The following KIAA1614 variants were observed in gnomAD, a reference collection of about 807,000 sequenced individuals.
The protein encoded by KIAA1614 is uncharacterized protein KIAA1614.
A neutral mutation model predicts 88.7 loss-of-function variants in KIAA1614; 76 were observed. The observed-to-expected ratio is 0.86, with a 90% CI of 0.71 to 1.04. The LOEUF (loss-of-function observed/expected upper bound fraction) is 1.04. Ranked by LOEUF, KIAA1614 falls within the 50% of genes least tolerant of loss-of-function variation. The pLI is 0.00. For synonymous variants in KIAA1614, 714 were observed against 675.5 expected (o/e 1.06, Z -0.88); for missense variants, 1,553 against 1,582.5 (o/e 0.98, Z 0.32).
intron 3 of KIAA1614, among the ~76,000 whole-genome samples, chr1:180,918,654 C>T (rs982557354): frequency 1.3e-5 from 2 of 152,158 alleles, no homozygotes; most frequent in African/African-American, 4.8e-5. Context: ...GCTCTCGTTT[C>T]CCCAGCTGTC....
In KIAA1614 at chr1:180,944,365, G is replaced by A. The variant is rs370246989; in HGVS notation, c.3160-24G>A. On this transcript the variant is annotated intron_variant, in intron 7 of 8. Coordinates refer to ENST00000367588, the MANE Select transcript of KIAA1614 (RefSeq NM_020950.2). ...ACCTCCCAGGTAGCTTTTCTCACCC[G>A]CAATATTGTCCCTTTCTCATCAGGT... 93 of 1,607,990 alleles carry A rather than the reference G, an allele frequency of 5.8e-5. No individual in the cohort carries two copies. The East Asian group carries it at 6.3e-4, about 11-fold the overall frequency.
intron 7 of KIAA1614, among the ~76,000 whole-genome samples, chr1:180,942,570 G>C (rs1249254179): frequency 6.6e-6 from 1 of 152,252 alleles, no homozygotes; most frequent in Non-Finnish European, 1.5e-5. Context: ...TTTGCTGGTT[G>C]AGTGAATGGA....
chr1:180,915,123 G>C (rs1237763310), intron 1 of KIAA1614, among the ~76,000 whole-genome samples: 1 of 152,218 alleles, frequency 6.6e-6, no homozygotes, highest in African/African-American at 2.4e-5. Context: ...ATTGTGTTAG[G>C]GACAGGATTA....
intron 4 of KIAA1614, among the ~76,000 whole-genome samples, chr1:180,930,554 C>T (rs935979449): frequency 1.1e-4 from 17 of 152,188 alleles, no homozygotes; most frequent in African/African-American, 4.1e-4. Context: ...TAGGTTAGGT[C>T]GGATAGCCTC....
At chr1:180,913,317 GGGCC>G in intron 1 of KIAA1614, 24 bp downstream of exon 1, 1 of 1,238,330 alleles carries the variant, frequency 8.1e-7, no homozygotes, top group Non-Finnish European at 1.0e-6. Context: ...AGGCAGCGCC[GGGCC>G]GGCCGGGCGG....
At chr1:180,928,677 T>C (rs1198354427) in intron 4 of KIAA1614, 104 bp downstream of exon 4, 9 of 1,120,326 alleles carry the variant, frequency 8.0e-6, no homozygotes, top group African/African-American at 3.3e-5. Flanking sequence ...GCTCGCTCCA[T>C]GTGTGTGTGT....
intron 4 of KIAA1614, among the ~76,000 whole-genome samples, chr1:180,929,579 A>C (rs1340324462): frequency 6.6e-6 from 1 of 152,240 alleles, no homozygotes; most frequent in Non-Finnish European, 1.5e-5. Context: ...GGACATTCAG[A>C]CCAGCACATC....
chr1:180,932,894 C>T (rs972694697), intron 4 of KIAA1614, among the ~76,000 whole-genome samples: 1 of 152,138 alleles, frequency 6.6e-6, no homozygotes, highest in African/African-American at 2.4e-5. Flanking sequence ...CACGCATCAC[C>T]ACTCCCGGCT....
At position 180,926,921 on chromosome 1, in the gene KIAA1614, T is replaced by A. The variant is rs182081639; in HGVS notation, c.1062-1509T>A. Among the ~76,000 whole-genome samples the A allele has an allele frequency of 2.7e-3, 406 of 152,326 alleles. 2 individuals carry two copies. The highest frequency in any genetic ancestry group is 4.6e-3 in the Non-Finnish European group (310 of 68,018). On this transcript the variant is annotated intron_variant, in intron 3 of 8. Transcript: ENST00000367588. ...CATCACTCCAGTAAAGCCCTCCTTG[T>A]TCCAAAGCCATGCCTGGGCCCTGCC...
In KIAA1614 at chr1:180,916,488, C is replaced by T. The variant is rs372513103; in HGVS notation, c.385C>T (p.Pro129Ser). Residue 129 changes from proline (P) to serine (S), a missense_variant, in exon 2 of 9, where the codon CCA becomes TCA. By Grantham distance (74) the Pro-to-Ser change is moderately conservative. Coordinates refer to ENST00000367588, the MANE Select transcript of KIAA1614 (RefSeq NM_020950.2). ...RRGKAGRAGT[P>S]SEGSFLPGAV... ...AGGCAAGGCAGGGAGAGCCGGGACT[C>T]CATCAGAGGGGTCTTTCCTGCCAGG... is the stretch of plus-strand genomic sequence containing the variant. The T allele has an allele frequency of 3.7e-6, 6 of 1,614,130 alleles. No homozygotes were observed. The highest frequency in any genetic ancestry group is 5.1e-6 in the Non-Finnish European group (6 of 1,180,028).
In KIAA1614 at chr1:180,918,734, G is replaced by A. The variant is rs1293882420; in HGVS notation, c.1061+820G>A. Among the ~76,000 whole-genome samples the A allele has an allele frequency of 5.9e-5, 9 of 152,302 alleles. No homozygotes were observed. In the East Asian group the frequency reaches 1.5e-3, roughly 26 times the overall value. Reference sequence around the variant, plus strand: ...CAGAGGTCGACACGGTTGCTGCTCCGGTGTAAGGCGGCTCCTGCACAAATC... The same window carrying A: ...CAGAGGTCGACACGGTTGCTGCTCCAGTGTAAGGCGGCTCCTGCACAAATC... On this transcript the variant is annotated intron_variant, in intron 3 of 8. Transcript: ENST00000367588.
chr1:180,937,784 C>T (rs1200457550), intron 5 of KIAA1614, among the ~76,000 whole-genome samples: 4 of 152,200 alleles, frequency 2.6e-5, no homozygotes, highest in African/African-American at 9.7e-5. Context: ...CAACCGCCTC[C>T]CCCTGGGGTC....
intron 2 of KIAA1614, among the ~76,000 whole-genome samples, chr1:180,917,324 C>T (rs187809385): frequency 2.0e-5 from 3 of 152,336 alleles, no homozygotes; most frequent in Admixed American, 2.0e-4. Flanking sequence ...CATGACCCTG[C>T]AGACCAATAG....
In KIAA1614 at chr1:180,913,108, C is replaced by T; in HGVS notation, c.-136C>T. 1.8e-6 allele frequency: 1 copy of T among 553,778 alleles called. No homozygotes were observed. Among genetic ancestry groups the T allele is most frequent in the Non-Finnish European group, 2.7e-6 (1 of 373,782 alleles). The allele number at this position is 553,778 out of a possible 1,614,324, so 34.3% of individuals were successfully genotyped here. A position where few individuals can be genotyped will look rare whatever the true frequency, so the allele number is the denominator to read the frequency against. On this transcript the variant is annotated 5_prime_UTR_variant, in exon 1 of 9. Coordinates refer to ENST00000367588, the MANE Select transcript of KIAA1614 (RefSeq NM_020950.2). The stretch of plus-strand genomic sequence containing the variant: ...CTCGGCGCCGTCCCGGACCCCCAGT[C>T]GGCCGCGCCCCGAGGGGCGAGGCCT...
chr1:180,916,122 G>T, intron 1 of KIAA1614, 32 bp from the exon 2 acceptor site: 5 of 1,511,806 alleles, frequency 3.3e-6, no homozygotes, highest in Non-Finnish European at 4.4e-6. Flanking sequence ...CCTGTGCTGG[G>T]TCTTAGGAAC....
Position 180,950,960 on chromosome 1 carries a change from C to T in KIAA1614, c.*5372C>T, listed in dbSNP as rs1654716076. 6.6e-6 allele frequency: 1 copy of T among 152,282 alleles called. No homozygotes were observed. The highest frequency in any genetic ancestry group is 2.4e-5 in the African/African-American group (1 of 41,424). 9.4% of individuals were successfully genotyped at this position (152,282 alleles called of 1,614,324 possible). A position where few individuals can be genotyped will look rare whatever the true frequency, so the allele number is the denominator to read the frequency against. On this transcript the variant is annotated 3_prime_UTR_variant, in exon 9 of 9. Transcript: ENST00000367588. ...AGCACATGTCCATATTGGCCTTGAC[C>T]CTTCCCTATTTCAGCCACGTTCCTC...
Position 180,928,515 on chromosome 1 carries a change from A to G in KIAA1614, c.1147A>G (p.Arg383Gly). ...GCTGCAGCGTGCCCGCATGAAGGCC[A>G]GGACCCGGCCCCTCCGTGCCAGCCA... ...HLLQRARMKA[R>G]TRPLRASHDI... is the part of the protein sequence containing the mutation. Residue 383 changes from arginine (R) to glycine (G), a missense_variant, in exon 4 of 9, where the codon AGG becomes GGG. Arg to Gly is a moderately radical substitution (Grantham distance 125). Transcript: ENST00000367588. 6.2e-7 allele frequency: 1 copy of G among 1,613,050 alleles called. No individual in the cohort carries two copies. Among genetic ancestry groups the G allele is most frequent in the Non-Finnish European group, 8.5e-7 (1 of 1,179,946 alleles).
rs1654533422 is a variant in KIAA1614, at chr1:180,944,314, AT to A, written c.3160-74del. 7 of 1,518,086 alleles carry A rather than the reference AT, an allele frequency of 4.6e-6. No homozygotes were observed. The East Asian group carries it at 1.6e-4, about 35-fold the overall frequency. 94.0% of individuals were successfully genotyped at this position (1,518,086 alleles called of 1,614,324 possible). The stretch of plus-strand genomic sequence containing the variant: ...ACTTTCTTACAGGGCCCTCAGGTTC[AT>A]GGTGGGGCCAAGTCCTCTGTCAGCA... On this transcript the variant is annotated intron_variant, in intron 7 of 8. Transcript: ENST00000367588.
chr1:180,930,763 A>T (rs1654179926), intron 4 of KIAA1614, among the ~76,000 whole-genome samples: 1 of 152,254 alleles, frequency 6.6e-6, no homozygotes, highest in Non-Finnish European at 1.5e-5. Flanking sequence ...CTGTGTCCAG[A>T]AAAGAATTAC....
Sources: gnomAD v4.1 joint callset for allele counts (sites outside exome capture counted in the v4.1 genomes callset) on GRCh38, gnomAD v4.1.1 for gene constraint, MANE v1.5 for transcripts, NCBI Gene and HGNC (gene_info 2026-07-23, HGNC 2026-07-21) for gene names.